The following RNF144B variants were observed in gnomAD, a reference collection of about 807,000 sequenced individuals.
RNF144B encodes ring finger protein 144B, also known as E3 ubiquitin-protein ligase RNF144B.
In RNF144B, 25 loss-of-function variants were observed where a neutral mutation model predicts 40.2. The observed-to-expected ratio is 0.62, with a 90% CI of 0.45 to 0.87. The LOEUF (loss-of-function observed/expected upper bound fraction) is 0.87, where lower values mean the gene tolerates loss of function less well. RNF144B is among the 40% of genes least tolerant of loss of function. The pLI is 0.00. For missense variants in RNF144B, 365 were observed against 373.7 expected (o/e 0.98, Z 0.19); for synonymous variants, 145 against 136.3 (o/e 1.06, Z -0.44).
intron 2 of RNF144B, among the ~76,000 whole-genome samples, chr6:18,413,326 T>A (rs1795084236): frequency 6.6e-6 from 1 of 152,204 alleles, no homozygotes; most frequent in South Asian, 2.1e-4. Flanking sequence ...TGGCTACTGA[T>A]TTTATATACG....
intron 1 of RNF144B, among the ~76,000 whole-genome samples, chr6:18,387,913 A>G (rs1424063437): frequency 1.3e-5 from 2 of 152,294 alleles, no homozygotes; most frequent in Non-Finnish European, 2.9e-5. Flanking sequence ...ACCTCTCCCT[A>G]GGTCTTAAGG....
At position 18,448,464 on chromosome 6, in the gene RNF144B, G is replaced by A. The variant is rs1474577637; in HGVS notation, c.332-8691G>A. Among the ~76,000 whole-genome samples the A allele has an allele frequency of 5.3e-5, 8 of 151,930 alleles. No individual in the cohort carries two copies. Among genetic ancestry groups the A allele is most frequent in the Non-Finnish European group, 1.5e-5 (1 of 67,984 alleles). On this transcript the variant is annotated intron_variant, in intron 4 of 7. Coordinates refer to ENST00000259939, the MANE Select transcript of RNF144B (RefSeq NM_182757.4). The surrounding 1 kb of genome is among the most constrained non-coding windows in gnomAD (Gnocchi z 4.0). ...CAGCTGAGAGTGAGAAGAGAAAAGGGGTAATGCAGATTTGAAGCAAAAGGA... is the reference window on the plus strand; with the variant it reads ...CAGCTGAGAGTGAGAAGAGAAAAGGAGTAATGCAGATTTGAAGCAAAAGGA...
At position 18,410,039 on chromosome 6, in the gene RNF144B, C is replaced by G. The variant is rs796719459; in HGVS notation, c.165+10340C>G. Among the ~76,000 whole-genome samples the G allele has an allele frequency of 1.2e-4, 18 of 152,196 alleles. No homozygotes were observed. Among genetic ancestry groups the G allele is most frequent in the African/African-American group, 4.3e-4 (18 of 41,508 alleles). On this transcript the variant is annotated intron_variant, in intron 2 of 7. Transcript: ENST00000259939. The surrounding 1 kb of genome is among the most constrained non-coding windows in gnomAD (Gnocchi z 4.6). ...TTGTATGTTGTGTAGACTTTTCCCC[C>G]CTTAAGCATGCCTTTGCCAAAGTTT...
chr6:18,440,808 T>A (rs1758944671), intron 4 of RNF144B, among the ~76,000 whole-genome samples: 1 of 149,994 alleles, frequency 6.7e-6, no homozygotes. Context: ...TTTTTTTTTT[T>A]TAAAAATCCA....
rs928193101 is a variant in RNF144B, at chr6:18,429,102, G to A, written c.270+1417G>A. On this transcript the variant is annotated intron_variant, in intron 3 of 7. Transcript: ENST00000259939. ...AGTCCCAGCTACTCTGGAGGCTGAGGTGAGAGGATTGCTTGAGCCCTGAAG... is the reference window on the plus strand; with the variant it reads ...AGTCCCAGCTACTCTGGAGGCTGAGATGAGAGGATTGCTTGAGCCCTGAAG... Among the ~76,000 whole-genome samples the A allele has an allele frequency of 3.3e-5, 5 of 152,138 alleles. No individual in the cohort carries two copies. In the East Asian group the frequency reaches 7.7e-4, roughly 23 times the overall value.
intron 2 of RNF144B, among the ~76,000 whole-genome samples, chr6:18,426,413 T>G (rs1562049039): frequency 6.6e-6 from 1 of 152,242 alleles, no homozygotes; most frequent in Non-Finnish European, 1.5e-5. Context: ...CTTAGAGGTT[T>G]ATTTCCTGGA....
In RNF144B at chr6:18,467,546, A is replaced by G. The variant is rs1014181112; in HGVS notation, c.*2479A>G. The G allele has an allele frequency of 6.6e-6, 1 of 152,090 alleles. No individual in the cohort carries two copies. The highest frequency in any genetic ancestry group is 1.5e-5 in the Non-Finnish European group (1 of 68,008). 9.4% of individuals were successfully genotyped at this position (152,090 alleles called of 1,614,324 possible). On this transcript the variant is annotated 3_prime_UTR_variant, in exon 8 of 8. Coordinates refer to ENST00000259939, the MANE Select transcript of RNF144B (RefSeq NM_182757.4). ...AATGTGTGTGAGATTGTCAGAATCA[A>G]CAAAACTAGGTTGGTTAAACATATC... is the stretch of plus-strand genomic sequence containing the variant.
chr6:18,396,609 A>C (rs940528422), intron 1 of RNF144B: 15 of 985,108 alleles, frequency 1.5e-5, no homozygotes, highest in Non-Finnish European at 1.7e-5. Flanking sequence ...GGAAGCATTT[A>C]CTACCTACGT....
chr6:18,446,436 G>A lies in RNF144B; in HGVS notation c.331+6692G>A, dbSNP rs182578290. ...TCTATGTCTGGATCCCTGTTTCTCC[G>A]GGGGAAGCACTTTTACAGAAGTGCC... On this transcript the variant is annotated intron_variant, in intron 4 of 7. Coordinates refer to ENST00000259939, the MANE Select transcript of RNF144B (RefSeq NM_182757.4). This position sits in a 1 kb window ranked among gnomAD's most constrained non-coding sequence, Gnocchi z 4.7. 7.7e-4 allele frequency among the ~76,000 whole-genome samples: 117 copies of A among 152,170 alleles called. No individual in the cohort carries two copies. The highest frequency in any genetic ancestry group is 1.2e-3 in the Non-Finnish European group (80 of 67,998).
chr6:18,403,513 G>T (rs1257198982), intron 2 of RNF144B, among the ~76,000 whole-genome samples: 1 of 152,130 alleles, frequency 6.6e-6, no homozygotes, highest in Non-Finnish European at 1.5e-5. Flanking sequence ...TTGGCTCTAG[G>T]TAGTTAGAAC....
At chr6:18,409,335 G>A (rs970037658) in intron 2 of RNF144B, among the ~76,000 whole-genome samples, 10 of 119,532 alleles carry the variant, frequency 8.4e-5, no homozygotes, top group African/African-American at 1.9e-4. Context: ...CTGAGATCTT[G>A]CCACTGCACT....
intron 2 of RNF144B, among the ~76,000 whole-genome samples, chr6:18,408,010 A>G (rs1794951467): frequency 7.1e-6 from 1 of 139,960 alleles, no homozygotes. Context: ...TTCCAGACAG[A>G]ATCTCATTTT....
intron 1 of RNF144B, chr6:18,396,867 T>G (rs1486192588): frequency 2.0e-6 from 2 of 978,438 alleles, no homozygotes; most frequent in Non-Finnish European, 2.4e-6. Flanking sequence ...TAAAGAGAGA[T>G]TTTTTACAAA....
chr6:18,404,958 G>A (rs1381980906), intron 2 of RNF144B, among the ~76,000 whole-genome samples: 2 of 151,970 alleles, frequency 1.3e-5, no homozygotes, highest in Non-Finnish European at 2.9e-5. Context: ...GCCACAGAAT[G>A]ATTCTCTGTC....
chr6:18,413,743 T>C (rs1795093049), intron 2 of RNF144B, among the ~76,000 whole-genome samples: 4 of 152,358 alleles, frequency 2.6e-5, no homozygotes, highest in Admixed American at 1.3e-4. Flanking sequence ...GTGATTCTTC[T>C]GTGTTGAGGG....
intron 3 of RNF144B, among the ~76,000 whole-genome samples, chr6:18,429,157 C>T (rs1758635331): frequency 6.6e-6 from 1 of 152,004 alleles, no homozygotes; most frequent in Non-Finnish European, 1.5e-5. Context: ...TTGATCACAT[C>T]ACTGCACTCC....
chr6:18,465,410 A>G lies in RNF144B; in HGVS notation c.*343A>G, dbSNP rs190098939. The G allele has an allele frequency of 4.5e-6, 1 of 223,934 alleles. No homozygotes were observed. The highest frequency in any genetic ancestry group is 2.3e-5 in the African/African-American group (1 of 44,092). 13.9% of individuals were successfully genotyped at this position (223,934 alleles called of 1,614,324 possible). On this transcript the variant is annotated 3_prime_UTR_variant, in exon 8 of 8. Coordinates refer to ENST00000259939, the MANE Select transcript of RNF144B (RefSeq NM_182757.4). ...CTTGCGGGAACATTTGATATAACAAATGTGTTGTCATTGTTGGCAACATAC... is the reference window on the plus strand; with the variant it reads ...CTTGCGGGAACATTTGATATAACAAGTGTGTTGTCATTGTTGGCAACATAC...
intron 2 of RNF144B, among the ~76,000 whole-genome samples, chr6:18,413,887 T>G (rs1441193071): frequency 6.6e-6 from 1 of 152,234 alleles, no homozygotes; most frequent in African/African-American, 2.4e-5. Flanking sequence ...ATGTCTAGCC[T>G]TTGAAAAACT....
Position 18,467,353 on chromosome 6 carries a change from G to A in RNF144B, c.*2286G>A, listed in dbSNP as rs1209925364. ...TGTGCTATTTCCTTGGCGAGTTGAG[G>A]GAATTTGCCACCTTACAGAGTTTGT... On this transcript the variant is annotated 3_prime_UTR_variant, in exon 8 of 8. Coordinates refer to ENST00000259939, the MANE Select transcript of RNF144B (RefSeq NM_182757.4). 6.8e-6 allele frequency: 1 copy of A among 146,878 alleles called. No individual in the cohort carries two copies. The highest frequency in any genetic ancestry group is 1.5e-5 in the Non-Finnish European group (1 of 67,282). The allele number at this position is 146,878 out of a possible 1,614,324, so 9.1% of individuals were successfully genotyped here.
Sources: allele counts gnomAD v4.1 joint callset (sites outside exome capture counted in the v4.1 genomes callset), GRCh38; gene constraint gnomAD v4.1.1; non-coding constraint Gnocchi (gnomAD v3.1); transcripts MANE v1.5; gene names NCBI Gene and HGNC (gene_info 2026-07-23, HGNC 2026-07-21).